Variants in MAD1L1 observed in about 807,000 individuals in gnomAD.
The protein encoded by MAD1L1 is mitotic arrest deficient 1 like 1, also known as mitotic spindle assembly checkpoint protein MAD1.
A neutral mutation model predicts 96.9 loss-of-function variants in MAD1L1; 95 were observed. That is an observed-to-expected ratio of 0.98 (90% CI 0.83 to 1.16). MAD1L1 has a LOEUF of 1.16. Among genes scored for constraint, MAD1L1 ranks in the 50% most tolerant of loss-of-function variants. The pLI, the probability that MAD1L1 is intolerant of heterozygous loss-of-function variation, is 0.00. For synonymous variants in MAD1L1, 473 were observed against 396.6 expected (o/e 1.19, Z -2.29); for missense variants, 1,007 against 954.4 (o/e 1.06, Z -0.73).
In MAD1L1 at chr7:2,029,612, T is replaced by G. The variant is rs540797535; in HGVS notation, c.1219-14970A>C. Among the ~76,000 whole-genome samples the G allele has an allele frequency of 1.5e-4, 23 of 152,268 alleles. 1 individual carries two copies. In the East Asian group the frequency reaches 3.1e-3, roughly 20 times the overall value. Reference sequence around the variant, plus strand: ...AACGGAACTCCATAATTTGAAGAGCTTGGCTGTGGTTGTAAGTCCCATTTA... The same window carrying G: ...AACGGAACTCCATAATTTGAAGAGCGTGGCTGTGGTTGTAAGTCCCATTTA... On this transcript the variant is annotated intron_variant, in intron 12 of 18. Coordinates refer to ENST00000265854, the MANE Select transcript of MAD1L1 (RefSeq NM_001013836.2).
Position 1,898,341 on chromosome 7 carries a change from C to T in MAD1L1, c.1857G>A (p.Lys619=), listed in dbSNP as rs1274201148. ...CCTGGATCTTGGTCTGGAAAACCTC[C>T]TTGAGCCGCTGGTTCTTCAGCTCGG... The part of the protein sequence containing the change: ...ESAELKNQRL[K]EVFQTKIQEF... Residue 619 remains lysine (K), a synonymous_variant, in exon 18 of 19, where the codon AAG becomes AAA. Coordinates refer to ENST00000265854, the MANE Select transcript of MAD1L1 (RefSeq NM_001013836.2). 1.2e-6 allele frequency: 2 copies of T among 1,613,910 alleles called. No homozygotes were observed. Among genetic ancestry groups the T allele is most frequent in the South Asian group, 2.2e-5 (2 of 91,072 alleles).
In MAD1L1 at chr7:2,127,296, AG is replaced by A. The variant is rs571488418; in HGVS notation, c.1073+21855del. On this transcript the variant is annotated intron_variant, in intron 11 of 18. Coordinates refer to ENST00000265854, the MANE Select transcript of MAD1L1 (RefSeq NM_001013836.2). ...ATCTGAAGTGATCAGAGGGGCACAAAGGAGCGGCAACTCACCCAGCCCCAGC... is the reference window on the plus strand; with the variant it reads ...ATCTGAAGTGATCAGAGGGGCACAAAGAGCGGCAACTCACCCAGCCCCAGC... Among the ~76,000 whole-genome samples, 125 of 152,304 alleles carry A rather than the reference AG, an allele frequency of 8.2e-4. 1 individual carries two copies. Among genetic ancestry groups the A allele is most frequent in the African/African-American group, 2.9e-3 (119 of 41,572 alleles).
At chr7:2,007,688 CAA>C (rs1008367189) in intron 13 of MAD1L1, among the ~76,000 whole-genome samples, 1 of 151,948 alleles carries the variant, frequency 6.6e-6, no homozygotes, top group African/African-American at 2.4e-5. Flanking sequence ...CTGTCCCCGC[CAA>C]AAAAAGTTAA....
chr7:1,841,608 G>A (rs1170263966), intron 18 of MAD1L1, among the ~76,000 whole-genome samples: 6 of 152,340 alleles, frequency 3.9e-5, no homozygotes, highest in Admixed American at 6.5e-5. Flanking sequence ...GTGAGTGGCC[G>A]GGCGCCTGCC....
At position 2,193,745 on chromosome 7, in the gene MAD1L1, C is replaced by T. The variant is rs1323408052; in HGVS notation, c.986+19467G>A. On this transcript the variant is annotated intron_variant, in intron 10 of 18. Transcript: ENST00000265854. ...GCCAAGGCTCCAGCCAGAGCAGGTGCTGAGCCGCGATCCGGGAGACGCCAG... is the reference window on the plus strand; with the variant it reads ...GCCAAGGCTCCAGCCAGAGCAGGTGTTGAGCCGCGATCCGGGAGACGCCAG... Among the ~76,000 whole-genome samples the T allele has an allele frequency of 2.0e-5, 3 of 152,230 alleles. No homozygotes were observed. The East Asian group carries it at 5.8e-4, about 29-fold the overall frequency.
intron 18 of MAD1L1, among the ~76,000 whole-genome samples, chr7:1,887,821 A>ACGTGTGTGTGTGGCTGCCTGGGCGTG (rs1786193459): frequency 4.0e-4 from 12 of 30,036 alleles, no homozygotes; most frequent in Admixed American, 1.5e-3. Context: ...GTGTGTGTGC[A>ACGTGTGTGTGTGGCTGCCTGGGCGTG]TGTGTGCATG....
intron 10 of MAD1L1, chr7:2,200,117 G>GGAGGGTGAAGAGCGGGACC (rs1190645254): frequency 6.6e-6 from 1 of 152,480 alleles, no homozygotes; most frequent in Non-Finnish European, 1.5e-5. Context: ...CACGACAGGT[G>GGAGGGTGAAGAGCGGGACC]GAGGGTGAAG....
At chr7:1,887,697 G>A (rs550775358) in intron 18 of MAD1L1, among the ~76,000 whole-genome samples, 1 of 150,802 alleles carries the variant, frequency 6.6e-6, no homozygotes, top group African/African-American at 2.5e-5. Flanking sequence ...GGGTGGCTGT[G>A]CATGCATAGG....
At chr7:1,818,260 G>C (rs376028133) in intron 18 of MAD1L1, among the ~76,000 whole-genome samples, 2 of 152,142 alleles carry the variant, frequency 1.3e-5, no homozygotes, top group African/African-American at 4.8e-5. Flanking sequence ...TGGCAACCTG[G>C]CTGGGCCTGA....
chr7:2,171,505 G>A (rs1000171353), intron 10 of MAD1L1, among the ~76,000 whole-genome samples: 3 of 136,962 alleles, frequency 2.2e-5, no homozygotes, highest in Non-Finnish European at 4.5e-5. Flanking sequence ...GCCGGAGGGT[G>A]GAGATGGGAC....
intron 17 of MAD1L1, among the ~76,000 whole-genome samples, chr7:1,935,540 G>C (rs115243064): frequency 6.6e-6 from 1 of 152,220 alleles, no homozygotes; most frequent in East Asian, 1.9e-4. Context: ...GGGCACAAGA[G>C]GGAGGGAAGA....
intron 12 of MAD1L1, among the ~76,000 whole-genome samples, chr7:2,044,223 T>C (rs550642217): frequency 1.3e-5 from 2 of 152,336 alleles, no homozygotes; most frequent in East Asian, 3.9e-4. Context: ...TCCTCCCAAC[T>C]TGTTCAGTCC....
intron 14 of MAD1L1, among the ~76,000 whole-genome samples, chr7:2,001,798 T>G (rs528970743): frequency 2.4e-3 from 369 of 152,282 alleles, no homozygotes; most frequent in Non-Finnish European, 3.7e-3. Flanking sequence ...CGTGGCCTCA[T>G]GCGGCAAACA....
chr7:1,902,171 C>A (rs1039427202), intron 17 of MAD1L1, among the ~76,000 whole-genome samples: 3 of 152,198 alleles, frequency 2.0e-5, no homozygotes, highest in Non-Finnish European at 4.4e-5. Context: ...TAGCCCCACA[C>A]CTGCCTCCTC....
At chr7:1,855,435 A>G (rs926130255) in intron 18 of MAD1L1, among the ~76,000 whole-genome samples, 6 of 152,132 alleles carry the variant, frequency 3.9e-5, no homozygotes, top group South Asian at 4.2e-4. Context: ...GCATCTGACT[A>G]TAACAGCGGG....
intron 13 of MAD1L1, among the ~76,000 whole-genome samples, chr7:2,005,237 C>CA (rs1425891812): frequency 6.6e-6 from 1 of 152,198 alleles, no homozygotes; most frequent in Non-Finnish European, 1.5e-5. Flanking sequence ...GGCTTACAGA[C>CA]AGTGAGAGCC....
chr7:2,008,904 C>T (rs550182194), intron 13 of MAD1L1, among the ~76,000 whole-genome samples: 29 of 152,340 alleles, frequency 1.9e-4, no homozygotes, highest in African/African-American at 7.0e-4. Context: ...AGGCCAAGCC[C>T]ACTCGGAGCC....
chr7:2,159,613 G>A (rs1204262609), intron 10 of MAD1L1, among the ~76,000 whole-genome samples: 2 of 152,000 alleles, frequency 1.3e-5, no homozygotes, highest in Admixed American at 6.6e-5. Context: ...CCAATAATAC[G>A]TTTTCAATAA....
chr7:2,047,008 G>A (rs192297296), intron 12 of MAD1L1, among the ~76,000 whole-genome samples: 43 of 152,286 alleles, frequency 2.8e-4, no homozygotes, highest in African/African-American at 9.4e-4. Flanking sequence ...GGCCACCAGC[G>A]CGCACATCCA....
Sources: gnomAD v4.1 joint callset for allele counts (sites outside exome capture counted in the v4.1 genomes callset) on GRCh38, gnomAD v4.1.1 for gene constraint, MANE v1.5 for transcripts, NCBI Gene and HGNC (gene_info 2026-07-23, HGNC 2026-07-21) for gene names.